The following ATOSA variants were observed in gnomAD, a reference collection of about 807,000 sequenced individuals.
The protein encoded by ATOSA is atos homolog A.
the ATOSA span, chr15:52,586,965 A>T: frequency 8.2e-7 from 1 of 1,224,212 alleles, no homozygotes; most frequent in Non-Finnish European, 1.1e-6. Context: ...TTAGCTTATT[A>T]ATGCTTTCCT....
chr15:52,640,642 A>AT, the ATOSA span, among the ~76,000 whole-genome samples: 126,087 of 142,604 alleles, frequency 0.88, 55,941 homozygotes, highest in East Asian at 1. Flanking sequence ...GACTACGTAC[A>AT]TTTAAAATAA....
the ATOSA span, among the ~76,000 whole-genome samples, chr15:52,595,774 C>T: frequency 1.5e-4 from 23 of 151,978 alleles, no homozygotes; most frequent in African/African-American, 3.9e-4. Context: ...TTACAATATC[C>T]CAGAAAACAT....
the ATOSA span, among the ~76,000 whole-genome samples, chr15:52,670,254 G>C: frequency 6.6e-6 from 1 of 152,232 alleles, no homozygotes; most frequent in Non-Finnish European, 1.5e-5. Flanking sequence ...CAGTGCAGCT[G>C]TTCCAAGCTG....
the ATOSA span, chr15:52,679,106 G>A: frequency 1.3e-5 from 2 of 152,966 alleles, no homozygotes; most frequent in African/African-American, 4.8e-5. Context: ...GTGGGGACCC[G>A]AGACGACCAG....
the ATOSA span, among the ~76,000 whole-genome samples, chr15:52,666,386 G>T: frequency 2.0e-5 from 3 of 152,042 alleles, no homozygotes; most frequent in African/African-American, 7.2e-5. Flanking sequence ...CCAGAACCTC[G>T]CACAATACCT....
chr15:52,634,185 C>T, the ATOSA span, among the ~76,000 whole-genome samples: 2 of 152,146 alleles, frequency 1.3e-5, no homozygotes, highest in Non-Finnish European at 2.9e-5. Context: ...GTAATCCCAG[C>T]ACTTTGGGAG....
chr15:52,704,859 C>A, the ATOSA span, among the ~76,000 whole-genome samples: 1 of 152,000 alleles, frequency 6.6e-6, no homozygotes, highest in Non-Finnish European at 1.5e-5. Flanking sequence ...AAACAACAGA[C>A]CCTGGAGAGG....
At chr15:52,668,216 A>G in the ATOSA span, among the ~76,000 whole-genome samples, 1 of 152,254 alleles carries the variant, frequency 6.6e-6, no homozygotes, top group Non-Finnish European at 1.5e-5. Flanking sequence ...ATGGAATACT[A>G]TAGAGCCACA....
At chr15:52,646,122 T>C in the ATOSA span, among the ~76,000 whole-genome samples, 1 of 152,166 alleles carries the variant, frequency 6.6e-6, no homozygotes, top group Non-Finnish European at 1.5e-5. Flanking sequence ...AACATCCTTC[T>C]CCCAACCATA....
the ATOSA span, chr15:52,587,366 T>C: frequency 1.7e-5 from 11 of 645,542 alleles, no homozygotes; most frequent in South Asian, 2.5e-4. Context: ...AGATACATTC[T>C]ATGTTTCTAC....
the ATOSA span, among the ~76,000 whole-genome samples, chr15:52,682,564 C>T: frequency 4.5e-3 from 684 of 152,228 alleles, 4 homozygotes; most frequent in Non-Finnish European, 7.3e-3. Flanking sequence ...GTTAAGATAT[C>T]TCTAGTATCT....
chr15:52,692,582 G>A, the ATOSA span, among the ~76,000 whole-genome samples: 3 of 152,168 alleles, frequency 2.0e-5, no homozygotes, highest in Non-Finnish European at 4.4e-5. Flanking sequence ...TCAAACTCCT[G>A]AGCTCAAGCC....
At chr15:52,643,554 C>G in the ATOSA span, among the ~76,000 whole-genome samples, 1 of 150,956 alleles carries the variant, frequency 6.6e-6, no homozygotes, top group Non-Finnish European at 1.5e-5. Flanking sequence ...AAGTGCTGGA[C>G]TTACAGGTGT....
the ATOSA span, among the ~76,000 whole-genome samples, chr15:52,642,609 T>C: frequency 6.6e-6 from 1 of 152,210 alleles, no homozygotes; most frequent in South Asian, 2.1e-4. Context: ...TTGTTCCAAC[T>C]GTAGCTGTTT....
chr15:52,669,254 CA>C, the ATOSA span, among the ~76,000 whole-genome samples: 1 of 151,998 alleles, frequency 6.6e-6, no homozygotes, highest in Non-Finnish European at 1.5e-5. Context: ...GTAGAGCAAG[CA>C]AAGTAGGGTA....
chr15:52,708,712 A>G, the ATOSA span, among the ~76,000 whole-genome samples: 1 of 152,164 alleles, frequency 6.6e-6, no homozygotes, highest in Non-Finnish European at 1.5e-5. Flanking sequence ...GGTCAAAAAC[A>G]AATTCTCCTC....
At chr15:52,655,043 C>A in the ATOSA span, among the ~76,000 whole-genome samples, 2 of 151,962 alleles carry the variant, frequency 1.3e-5, no homozygotes, top group Non-Finnish European at 2.9e-5. Flanking sequence ...TAGTTGTTAT[C>A]CCCACAGATT....
At chr15:52,702,358 T>A in the ATOSA span, among the ~76,000 whole-genome samples, 1 of 152,106 alleles carries the variant, frequency 6.6e-6, no homozygotes, top group African/African-American at 2.4e-5. Flanking sequence ...AGACTTAACC[T>A]AGGTGCCCAA....
the ATOSA span, among the ~76,000 whole-genome samples, chr15:52,674,676 C>T: frequency 1.5e-4 from 23 of 152,026 alleles, no homozygotes; most frequent in East Asian, 3.3e-3. Context: ...TTAATCTGCT[C>T]GAGCCTTAGC....
Sources: allele counts gnomAD v4.1 joint callset (sites outside exome capture counted in the v4.1 genomes callset), GRCh38; gene constraint gnomAD v4.1.1; transcripts MANE v1.5; gene names NCBI Gene and HGNC (gene_info 2026-07-23, HGNC 2026-07-21).